MTUS2: variants seen among roughly 807,000 people sequenced by gnomAD.
MTUS2 encodes the protein microtubule-associated tumor suppressor candidate 2.
In MTUS2, 40 loss-of-function variants were observed where a neutral mutation model predicts 114.1. The observed-to-expected ratio is 0.35, with a 90% CI of 0.27 to 0.46. MTUS2 has a LOEUF of 0.46. Ranked by LOEUF, MTUS2 falls within the 20% of genes least tolerant of loss-of-function variation. The probability of loss-of-function intolerance (pLI) is 1.00; values close to 1 mark genes in which losing one functional copy is unlikely to be tolerated. For missense variants in MTUS2, 1,679 were observed against 1,705.4 expected (o/e 0.98, Z 0.27); for synonymous variants, 688 against 672.0 (o/e 1.02, Z -0.37).
intron 5 of MTUS2, among the ~76,000 whole-genome samples, chr13:29,245,797 C>T (rs151334479): frequency 0.021 from 3,104 of 150,624 alleles, 108 homozygotes; most frequent in African/African-American, 0.07. Context: ...CCCAGGTTCA[C>T]GCCAGCCTCC....
intron 5 of MTUS2, among the ~76,000 whole-genome samples, chr13:29,142,877 G>C (rs1341954998): frequency 6.6e-6 from 1 of 152,162 alleles, no homozygotes; most frequent in South Asian, 2.1e-4. Context: ...ACTTGAAGGG[G>C]CAACATGTAC....
chr13:29,010,210 C>CAA (rs71658973), intron 2 of MTUS2, among the ~76,000 whole-genome samples: 128 of 116,350 alleles, frequency 1.1e-3, no homozygotes, highest in East Asian at 2.4e-3. Flanking sequence ...GACTCCGTCT[C>CAA]AAAAAAAAAA....
At chr13:28,830,916 C>T (rs1466973242) in intron 1 of MTUS2, among the ~76,000 whole-genome samples, 2 of 152,040 alleles carry the variant, frequency 1.3e-5, no homozygotes, top group African/African-American at 2.4e-5. Flanking sequence ...AATTCTATAT[C>T]CAGCAAAACT....
In MTUS2 at chr13:29,359,320, G is replaced by C; in HGVS notation, c.2964G>C (p.Pro988=). The change falls in exon 8 of 16, where the codon CCG becomes CCC. Residue 988 remains proline (P), a synonymous_variant. Transcript: ENST00000612955. ...ARNGFPPKPD[P]QAREAERQLV... ...ATGGGTTTCCGCCCAAGCCGGACCC[G>C]CAGGCCCGTGAGGCTGAGCGGCAGC... 6.2e-7 allele frequency: 1 copy of C among 1,609,832 alleles called. No individual in the cohort carries two copies. Among genetic ancestry groups the C allele is most frequent in the Non-Finnish European group, 8.5e-7 (1 of 1,178,184 alleles).
intron 4 of MTUS2, 148 bp downstream of exon 4, chr13:29,034,273 T>C: frequency 1.9e-6 from 2 of 1,050,968 alleles, no homozygotes; most frequent in Non-Finnish European, 2.7e-6. Context: ...GATGCAGACA[T>C]TTGTGAAACT....
Position 29,477,996 on chromosome 13 carries a change from A to G in MTUS2, c.3185-2154A>G, listed in dbSNP as rs1418773133. On this transcript the variant is annotated intron_variant, in intron 9 of 15. Transcript: ENST00000612955. ...AAGAATTCAGTGCTACTTCTGTAAT[A>G]TTCCTGCCAAACAGGCATAAGCTCA... Among the ~76,000 whole-genome samples the G allele has an allele frequency of 2.0e-5, 3 of 152,250 alleles. No individual in the cohort carries two copies. In the East Asian group the frequency reaches 5.8e-4, roughly 29 times the overall value.
At chr13:29,090,332 A>C (rs2479796) in intron 4 of MTUS2, among the ~76,000 whole-genome samples, 101,956 of 151,906 alleles carry the variant, frequency 0.67, 34,911 homozygotes, top group Non-Finnish European at 0.74. Context: ...AGTTCTCTGG[A>C]AAACAACACT....
chr13:29,207,076 A>AT (rs1195409592), intron 5 of MTUS2, among the ~76,000 whole-genome samples: 3 of 151,560 alleles, frequency 2.0e-5, no homozygotes, highest in Non-Finnish European at 4.4e-5. Context: ...GTCATCTGTG[A>AT]TTTTTTTCGG....
intron 7 of MTUS2, among the ~76,000 whole-genome samples, chr13:29,342,433 T>C (rs1270972888): frequency 1.3e-5 from 2 of 151,990 alleles, no homozygotes; most frequent in Non-Finnish European, 2.9e-5. Context: ...GTAAAAGGGG[T>C]TGAGTTCTTG....
At chr13:29,294,251 C>A (rs1410543902) in intron 6 of MTUS2, among the ~76,000 whole-genome samples, 2 of 151,894 alleles carry the variant, frequency 1.3e-5, no homozygotes, top group African/African-American at 4.8e-5. Flanking sequence ...CTCAGTTATT[C>A]TTTATGTATA....
chr13:28,998,031 G>A (rs1208070682), intron 2 of MTUS2, among the ~76,000 whole-genome samples: 1 of 152,166 alleles, frequency 6.6e-6, no homozygotes, highest in Admixed American at 6.5e-5. Context: ...GCTGGTACCA[G>A]TTGTTCCTTT....
chr13:29,480,384 C>T lies in MTUS2; in HGVS notation c.3399+20C>T, dbSNP rs748507826. 1.5e-5 allele frequency: 22 copies of T among 1,496,302 alleles called. No homozygotes were observed. The highest frequency in any genetic ancestry group is 2.8e-5 in the African/African-American group (2 of 71,516). The allele number at this position is 1,496,302 out of a possible 1,614,324, so 92.7% of individuals were successfully genotyped here. A position where few individuals can be genotyped will look rare whatever the true frequency, so the allele number is the denominator to read the frequency against. On this transcript the variant is annotated intron_variant, in intron 10 of 15. Coordinates refer to ENST00000612955, the MANE Select transcript of MTUS2 (RefSeq NM_001033602.4). The surrounding 1 kb of genome is among the most constrained non-coding windows in gnomAD (Gnocchi z 4.4). ...GAGCAGGTCAGTCTGCAGTGCGGCT[C>T]GAGCTCTGCTGTTGGGTGATGCAGG...
intron 5 of MTUS2, among the ~76,000 whole-genome samples, chr13:29,156,449 C>T (rs1370838862): frequency 1.3e-5 from 2 of 151,998 alleles, no homozygotes; most frequent in African/African-American, 4.8e-5. Context: ...CAAGGTTGTG[C>T]AATAAAAAGC....
intron 8 of MTUS2, among the ~76,000 whole-genome samples, chr13:29,439,753 C>A (rs915355627): frequency 6.6e-6 from 1 of 152,024 alleles, no homozygotes; most frequent in Non-Finnish European, 1.5e-5. Flanking sequence ...AAAAACACAA[C>A]CACGGGTATT....
At chr13:29,366,063 T>A (rs758647851) in intron 8 of MTUS2, among the ~76,000 whole-genome samples, 11 of 152,242 alleles carry the variant, frequency 7.2e-5, no homozygotes, top group Non-Finnish European at 1.3e-4. Flanking sequence ...ATGAAGGGGC[T>A]GTCAGGCCCA....
At chr13:29,262,168 C>T (rs919890449) in intron 5 of MTUS2, among the ~76,000 whole-genome samples, 4 of 152,208 alleles carry the variant, frequency 2.6e-5, no homozygotes, top group South Asian at 4.1e-4. Flanking sequence ...TGTTAGCACT[C>T]CTGGCCTTTG....
chr13:28,997,370 A>G (rs1199344836), intron 2 of MTUS2, among the ~76,000 whole-genome samples: 1 of 152,114 alleles, frequency 6.6e-6, no homozygotes, highest in Non-Finnish European at 1.5e-5. Context: ...TATTCTGTTG[A>G]TTTGGGGTGG....
intron 11 of MTUS2, among the ~76,000 whole-genome samples, chr13:29,492,353 GAT>G (rs1006493679): frequency 1.3e-5 from 2 of 151,658 alleles, no homozygotes; most frequent in African/African-American, 2.4e-5. Flanking sequence ...ACGGGTGTGT[GAT>G]GTTTGCGTGT....
chr13:29,273,456 C>A (rs1897950563), intron 5 of MTUS2, among the ~76,000 whole-genome samples: 1 of 152,134 alleles, frequency 6.6e-6, no homozygotes, highest in Non-Finnish European at 1.5e-5. Context: ...CACTAGGAGT[C>A]TCTCAGGGGA....
Sources: allele counts gnomAD v4.1 joint callset (sites outside exome capture counted in the v4.1 genomes callset), GRCh38; gene constraint gnomAD v4.1.1; non-coding constraint Gnocchi (gnomAD v3.1); transcripts MANE v1.5; gene names NCBI Gene and HGNC (gene_info 2026-07-23, HGNC 2026-07-21).